The following YOD1 variants were observed in gnomAD, a reference collection of about 807,000 sequenced individuals.
YOD1 encodes the protein ubiquitin thioesterase OTU1.
In YOD1, 17 loss-of-function variants were observed where a neutral mutation model predicts 23.7. The ratio of observed to expected loss-of-function variants is 0.72; its 90% confidence interval spans 0.49 to 1.07. The LOEUF (loss-of-function observed/expected upper bound fraction) is 1.07. YOD1 is among the 50% of genes least tolerant of loss of function. The pLI is 0.00. For synonymous variants in YOD1, 191 were observed against 169.6 expected (o/e 1.13, Z -0.98); for missense variants, 413 against 447.2 (o/e 0.92, Z 0.69).
In YOD1 at chr1:207,048,987, G is replaced by C. The variant is rs746032087; in HGVS notation, c.*33C>G. 6.3e-7 allele frequency: 1 copy of C among 1,580,122 alleles called. No individual in the cohort carries two copies. The highest frequency in any genetic ancestry group is 8.6e-7 in the Non-Finnish European group (1 of 1,157,772). ...AACCCAGAGCCTTCTGGATGTGTGA[G>C]GTAGTAGGCTTCAACCCTCATTCAT... On this transcript the variant is annotated 3_prime_UTR_variant, in exon 2 of 2. Coordinates refer to ENST00000315927, the MANE Select transcript of YOD1 (RefSeq NM_018566.4).
At chr1:207,052,758 A>AG (rs1387323995), upstream of YOD1, 1 of 157,914 alleles carries the variant, frequency 6.3e-6, no homozygotes, top group Admixed American at 6.2e-5. Context: ...TGATTTTCTT[A>AG]GGTCACAGCG....
chr1:207,052,316 G>T, upstream of YOD1: 1 of 1,228,304 alleles, frequency 8.1e-7, no homozygotes, highest in Non-Finnish European at 1.2e-6. Context: ...TGCAACGGAT[G>T]ATACAGCCTG....
Position 207,051,166 on chromosome 1 carries a change from G to A in YOD1, c.-136C>T, listed in dbSNP as rs906269741. The A allele has an allele frequency of 2.8e-6, 4 of 1,412,052 alleles. No homozygotes were observed. Among genetic ancestry groups the A allele is most frequent in the African/African-American group, 1.5e-5 (1 of 68,792 alleles). The allele number at this position is 1,412,052 out of a possible 1,614,324, so 87.5% of individuals were successfully genotyped here. On this transcript the variant is annotated 5_prime_UTR_variant, in exon 1 of 2. It adds an upstream start codon to the 5' untranslated region. Coordinates refer to ENST00000315927, the MANE Select transcript of YOD1 (RefSeq NM_018566.4). ...CCTCAGAACGAAGATGTAAACCTCC[G>A]TATTCCTAAAGGACAACGGGTCTTG...
chr1:207,045,536 T>C lies in YOD1; in HGVS notation c.*3484A>G, dbSNP rs1682578446. On this transcript the variant is annotated 3_prime_UTR_variant, in exon 2 of 2. Transcript: ENST00000315927. ...TATTTTTTAAAGTGCTGCAAACAAA[T>C]GTGTCTCCACACATGAAAGAACATA... The C allele has an allele frequency of 6.6e-6, 1 of 152,016 alleles. No homozygotes were observed. Among genetic ancestry groups the C allele is most frequent in the African/African-American group, 2.4e-5 (1 of 41,242 alleles). The allele number at this position is 152,016 out of a possible 1,614,324, so 9.4% of individuals were successfully genotyped here.
intron 1 of YOD1, among the ~76,000 whole-genome samples, chr1:207,049,956 G>T (rs1340066512): frequency 6.6e-6 from 1 of 152,206 alleles, no homozygotes; most frequent in Non-Finnish European, 1.5e-5. Flanking sequence ...TAGTGAAGGG[G>T]TCTGGAGTAA....
chr1:207,049,302 A>G lies in YOD1; in HGVS notation c.765T>C (p.Tyr255=), dbSNP rs762500107. The G allele has an allele frequency of 4.3e-6, 7 of 1,614,040 alleles. No individual in the cohort carries two copies. The African/African-American group carries it at 6.7e-5, about 15-fold the overall frequency. The change falls in exon 2 of 2, where the codon TAT becomes TAC. Residue 255 remains tyrosine (Y), a synonymous_variant. Transcript: ENST00000315927. The part of the protein sequence containing the change: ...RIDRFGEDAG[Y]TKRVLLIYDG... ...CATAAATAAGCAGAACCCTTTTGGT[A>G]TATCCTGCATCTTCCCCAAAACGAT...
At position 207,043,977 on chromosome 1, in the gene YOD1, G is replaced by C. The variant is rs1202953191; in HGVS notation, c.*5043C>G. On this transcript the variant is annotated 3_prime_UTR_variant, in exon 2 of 2. Coordinates refer to ENST00000315927, the MANE Select transcript of YOD1 (RefSeq NM_018566.4). ...ATGGCAAAATCACATAAGAGTTGTAGAAAATGAAGTTAGACATCTTCCAGG... is the reference window on the plus strand; with the variant it reads ...ATGGCAAAATCACATAAGAGTTGTACAAAATGAAGTTAGACATCTTCCAGG... 1 of 152,532 alleles carries C rather than the reference G, an allele frequency of 6.6e-6. No homozygotes were observed. The highest frequency in any genetic ancestry group is 1.5e-5 in the Non-Finnish European group (1 of 67,974). 9.4% of individuals were successfully genotyped at this position (152,532 alleles called of 1,614,324 possible). A position where few individuals can be genotyped will look rare whatever the true frequency, so the allele number is the denominator to read the frequency against.
At position 207,047,263 on chromosome 1, in the gene YOD1, A is replaced by T. The variant is rs1682622958; in HGVS notation, c.*1757T>A. The stretch of plus-strand genomic sequence containing the variant: ...TAAGTTATGCTGACCATAACAGCTT[A>T]TATTGTCTAAAATAACTATGCACAC... On this transcript the variant is annotated 3_prime_UTR_variant, in exon 2 of 2. Coordinates refer to ENST00000315927, the MANE Select transcript of YOD1 (RefSeq NM_018566.4). The T allele has an allele frequency of 6.6e-6, 1 of 152,568 alleles. No homozygotes were observed. The highest frequency in any genetic ancestry group is 2.1e-4 in the South Asian group (1 of 4,838). 9.5% of individuals were successfully genotyped at this position (152,568 alleles called of 1,614,324 possible).
Position 207,049,534 on chromosome 1 carries a change from C to G in YOD1, c.533G>C (p.Cys178Ser). Residue 178 changes from cysteine to serine, a missense_variant, in exon 2 of 2, where the codon TGT becomes TCT. Physicochemically the swap from Cys to Ser is moderately radical, Grantham distance 112 (BLOSUM62 -1). Coordinates refer to ENST00000315927, the MANE Select transcript of YOD1 (RefSeq NM_018566.4). ...VVEGGVLNPA[C>S]APEMRRLIAQ... is the part of the protein sequence containing the mutation. ...TATGAGGCGTCTCATCTCAGGGGCACAAGCTGGATTCAAGACTCCTCCTTC... is the reference window on the plus strand; with the variant it reads ...TATGAGGCGTCTCATCTCAGGGGCAGAAGCTGGATTCAAGACTCCTCCTTC... 6.2e-7 allele frequency: 1 copy of G among 1,614,172 alleles called. No homozygotes were observed. The highest frequency in any genetic ancestry group is 8.5e-7 in the Non-Finnish European group (1 of 1,180,038).
rs1167241785 is a variant in YOD1, at chr1:207,049,253, G to T, written c.814C>A (p.Gln272Lys). The change falls in exon 2 of 2, where the codon CAG (glutamine) becomes AAG (lysine). Residue 272 changes from glutamine to lysine, a missense_variant. Transcript: ENST00000315927. ...IYDGIHYDPL[Q>K]RNFPDPDTPP... The stretch of plus-strand genomic sequence containing the variant: ...GTATCTGGATCAGGGAAGTTACGCT[G>T]AAGTGGATCATAGTGGATGCCATCA... The T allele has an allele frequency of 6.2e-7, 1 of 1,614,056 alleles. No individual in the cohort carries two copies. The highest frequency in any genetic ancestry group is 8.5e-7 in the Non-Finnish European group (1 of 1,180,038).
chr1:207,049,748 A>G, intron 1 of YOD1, 25 bp from the exon 2 acceptor site: 1 of 1,581,214 alleles, frequency 6.3e-7, no homozygotes, highest in South Asian at 1.2e-5. Flanking sequence ...ACAAATCCCG[A>G]TCTGCAAAGA....
chr1:207,048,917 A>G lies in YOD1; in HGVS notation c.*103T>C, dbSNP rs1682663154. The G allele has an allele frequency of 1.9e-6, 2 of 1,067,312 alleles. No individual in the cohort carries two copies. Among genetic ancestry groups the G allele is most frequent in the Admixed American group, 4.6e-5 (2 of 43,260 alleles). 66.1% of individuals were successfully genotyped at this position (1,067,312 alleles called of 1,614,324 possible). On this transcript the variant is annotated 3_prime_UTR_variant, in exon 2 of 2. Transcript: ENST00000315927. The stretch of plus-strand genomic sequence containing the variant: ...GGTTTTAAGTTAAAAGGATGGTTCA[A>G]GCATTGTATCCTTTGTTCTTTAGGG...
At chr1:207,052,382 C>T, upstream of YOD1, 2 of 641,868 alleles carry the variant, frequency 3.1e-6, no homozygotes, top group Non-Finnish European at 5.4e-6. Flanking sequence ...ACCGGGGTGG[C>T]CGGGCGCAGT....
At position 207,045,537 on chromosome 1, in the gene YOD1, G is replaced by GT. The variant is rs1275496065; in HGVS notation, c.*3482dup. 1 of 151,728 alleles carries GT rather than the reference G, an allele frequency of 6.6e-6. No individual in the cohort carries two copies. Among genetic ancestry groups the GT allele is most frequent in the African/African-American group, 2.4e-5 (1 of 41,128 alleles). The allele number at this position is 151,728 out of a possible 1,614,324, so 9.4% of individuals were successfully genotyped here. A position where few individuals can be genotyped will look rare whatever the true frequency, so the allele number is the denominator to read the frequency against. ...ATTTTTTAAAGTGCTGCAAACAAATGTGTCTCCACACATGAAAGAACATAA... is the reference window on the plus strand; with the variant it reads ...ATTTTTTAAAGTGCTGCAAACAAATGTTGTCTCCACACATGAAAGAACATAA... On this transcript the variant is annotated 3_prime_UTR_variant, in exon 2 of 2. Transcript: ENST00000315927.
upstream of YOD1, among the ~76,000 whole-genome samples, chr1:207,052,557 G>A (rs1169060970): frequency 6.6e-6 from 1 of 152,178 alleles, no homozygotes; most frequent in African/African-American, 2.4e-5. Flanking sequence ...GATACTGGGA[G>A]GCAGGAGAAT....
chr1:207,050,687 C>T lies in YOD1; in HGVS notation c.343+1G>A. ...CCCTGGCCCCAGCCCTGATTCCTTA[C>T]CAGATTGGATGGGCAAGTCTTCCAG... On this transcript the variant is annotated splice_donor_variant, in intron 1 of 1. Transcript: ENST00000315927. LOFTEE classifies it high-confidence loss of function. The T allele has an allele frequency of 6.2e-7, 1 of 1,613,140 alleles. No homozygotes were observed. Among genetic ancestry groups the T allele is most frequent in the South Asian group, 1.1e-5 (1 of 91,080 alleles).
rs775429737 is a variant in YOD1, at chr1:207,049,003, C to T, written c.*17G>A. On this transcript the variant is annotated 3_prime_UTR_variant, in exon 2 of 2. Coordinates refer to ENST00000315927, the MANE Select transcript of YOD1 (RefSeq NM_018566.4). ...GATGTGTGAGGTAGTAGGCTTCAACCCTCATTCATGCATAGGTCACACTTC... is the reference window on the plus strand; with the variant it reads ...GATGTGTGAGGTAGTAGGCTTCAACTCTCATTCATGCATAGGTCACACTTC... The T allele has an allele frequency of 1.9e-6, 3 of 1,605,464 alleles. No homozygotes were observed. Among genetic ancestry groups the T allele is most frequent in the Non-Finnish European group, 1.7e-6 (2 of 1,175,164 alleles).
rs765860156 is a variant in YOD1 at position 207,050,987 on chromosome 1, G to T, written c.44C>A (p.Ala15Glu). 2 of 1,532,954 alleles carry T rather than the reference G, an allele frequency of 1.3e-6. No homozygotes were observed. Among genetic ancestry groups the T allele is most frequent in the South Asian group, 2.4e-5 (2 of 84,346 alleles). 95.0% of individuals were successfully genotyped at this position (1,532,954 alleles called of 1,614,324 possible). A position where few individuals can be genotyped will look rare whatever the true frequency, so the allele number is the denominator to read the frequency against. The change falls in exon 1 of 2, where the codon GCG (alanine) becomes GAG (glutamate). Residue 15 changes from alanine to glutamate, a missense_variant. By Grantham distance (107) the Ala-to-Glu change is moderately radical. Coordinates refer to ENST00000315927, the MANE Select transcript of YOD1 (RefSeq NM_018566.4). ...GGAGACGCCGCCGGGGAAACCAGGCGCCGGGTGGACTCCAAAATGGCGACC... is the reference window on the plus strand; with the variant it reads ...GGAGACGCCGCCGGGGAAACCAGGCTCCGGGTGGACTCCAAAATGGCGACC... The part of the protein sequence containing the change: ...AKGRHFGVHP[A>E]PGFPGGVSQQ...
In YOD1 at chr1:207,048,984, T is replaced by G; in HGVS notation, c.*36A>C. On this transcript the variant is annotated 3_prime_UTR_variant, in exon 2 of 2. Coordinates refer to ENST00000315927, the MANE Select transcript of YOD1 (RefSeq NM_018566.4). ...GAAAACCCAGAGCCTTCTGGATGTGTGAGGTAGTAGGCTTCAACCCTCATT... is the reference window on the plus strand; with the variant it reads ...GAAAACCCAGAGCCTTCTGGATGTGGGAGGTAGTAGGCTTCAACCCTCATT... 1 of 1,573,904 alleles carries G rather than the reference T, an allele frequency of 6.4e-7. No homozygotes were observed. Among genetic ancestry groups the G allele is most frequent in the Non-Finnish European group, 8.7e-7 (1 of 1,154,244 alleles).
Sources: gnomAD v4.1 joint callset for allele counts (sites outside exome capture counted in the v4.1 genomes callset) on GRCh38, gnomAD v4.1.1 for gene constraint, MANE v1.5 for transcripts, NCBI Gene and HGNC (gene_info 2026-07-23, HGNC 2026-07-21) for gene names.